The following ZNF91 variants were observed in gnomAD, a reference collection of about 807,000 sequenced individuals.
ZNF91 encodes the protein zinc finger protein 91.
A neutral mutation model predicts 12.6 loss-of-function variants in ZNF91; 7 were observed. The observed-to-expected ratio is 0.55, with a 90% CI of 0.31 to 1.04. The LOEUF (loss-of-function observed/expected upper bound fraction) is 1.04. Among genes scored for constraint, ZNF91 ranks in the 50% least tolerant of loss-of-function variants. The pLI, the probability that ZNF91 is intolerant of heterozygous loss-of-function variation, is 0.05. For missense variants in ZNF91, 1,217 were observed against 1,385.4 expected (o/e 0.88, Z 1.93); for synonymous variants, 453 against 462.6 (o/e 0.98, Z 0.27).
intron 1 of ZNF91, chr19:23,324,889 C>T (rs944750169): frequency 1.3e-5 from 2 of 151,736 alleles, no homozygotes; most frequent in Non-Finnish European, 2.9e-5. Context: ...ACTATCCGCC[C>T]TTTTCATAGA....
At chr19:23,312,186 C>G (rs1967482499), upstream of ZNF91, among the ~76,000 whole-genome samples, 1 of 152,196 alleles carries the variant, frequency 6.6e-6, no homozygotes, top group Non-Finnish European at 1.5e-5. Flanking sequence ...TGCCTGGTCA[C>G]TGCCCTCAGA....
intron 3 of ZNF91, among the ~76,000 whole-genome samples, chr19:23,366,619 G>A (rs991961320): frequency 2.6e-5 from 4 of 152,172 alleles, no homozygotes; most frequent in Non-Finnish European, 5.9e-5. Flanking sequence ...TTACAATCAC[G>A]GTTGAAGGCG....
chr19:23,330,187 C>T (rs796133062), intron 1 of ZNF91, among the ~76,000 whole-genome samples: 10 of 152,128 alleles, frequency 6.6e-5, no homozygotes, highest in South Asian at 4.1e-4. Flanking sequence ...AAAAATCAGC[C>T]GGGTGTTGGG....
chr19:23,340,518 C>T (rs192239525), intron 3 of ZNF91, among the ~76,000 whole-genome samples: 13 of 152,076 alleles, frequency 8.5e-5, no homozygotes, highest in Admixed American at 8.5e-4. Flanking sequence ...TACTGAGTAG[C>T]ATGATTGAGT....
intron 1 of ZNF91, among the ~76,000 whole-genome samples, chr19:23,387,221 A>G (rs1969901119): frequency 6.6e-6 from 1 of 152,254 alleles, no homozygotes; most frequent in African/African-American, 2.4e-5. Context: ...ACCATTGTAA[A>G]AAGCGGTGTG....
At chr19:23,319,580 A>G (rs1967641312) in intron 1 of ZNF91, among the ~76,000 whole-genome samples, 1 of 152,202 alleles carries the variant, frequency 6.6e-6, no homozygotes, top group Admixed American at 6.5e-5. Flanking sequence ...ATATATCTGC[A>G]TACACTACCT....
At chr19:23,332,664 C>G (rs1334300588) in intron 1 of ZNF91, among the ~76,000 whole-genome samples, 2 of 149,034 alleles carry the variant, frequency 1.3e-5, no homozygotes, top group African/African-American at 5.0e-5. Flanking sequence ...GTCCTGATTT[C>G]CAGAAATAAA....
chr19:23,329,291 C>G (rs1303127305), intron 1 of ZNF91, among the ~76,000 whole-genome samples: 1 of 152,136 alleles, frequency 6.6e-6, no homozygotes, highest in African/African-American at 2.4e-5. Flanking sequence ...GCATAGGATT[C>G]ATGAGAAGAG....
intron 3 of ZNF91, among the ~76,000 whole-genome samples, chr19:23,372,371 G>A (rs1265300417): frequency 6.6e-6 from 1 of 151,858 alleles, no homozygotes; most frequent in African/African-American, 2.4e-5. Context: ...TTGGAGAACT[G>A]CTTCCGGTCA....
chr19:23,384,750 C>G (rs1969820489), intron 1 of ZNF91: 1 of 626,158 alleles, frequency 1.6e-6, no homozygotes, highest in African/African-American at 1.8e-5. Context: ...AGAAAGCACA[C>G]CTGGGTCAGC....
chr19:23,351,587 T>C (rs1014764599), intron 3 of ZNF91, among the ~76,000 whole-genome samples: 2 of 152,152 alleles, frequency 1.3e-5, no homozygotes, highest in African/African-American at 2.4e-5. Context: ...ATACATGACA[T>C]TGTAGAAGAA....
chr19:23,328,175 T>C (rs1395970428), intron 1 of ZNF91: 2 of 152,152 alleles, frequency 1.3e-5, no homozygotes, highest in Non-Finnish European at 2.9e-5. Context: ...GCTAATCTCA[T>C]TAAAGATAGA....
intron 3 of ZNF91, among the ~76,000 whole-genome samples, chr19:23,344,910 G>T (rs1035578128): frequency 1.3e-5 from 2 of 152,220 alleles, no homozygotes; most frequent in African/African-American, 4.8e-5. Context: ...GGGTACAGCA[G>T]CTGGACAAAA....
intron 1 of ZNF91, among the ~76,000 whole-genome samples, chr19:23,309,813 G>A (rs1307263085): frequency 6.6e-6 from 1 of 152,150 alleles, no homozygotes; most frequent in Non-Finnish European, 1.5e-5. Flanking sequence ...TAAAGCCCTT[G>A]GGTGGTAGAG....
At chr19:23,384,682 G>A (rs569637541) in intron 1 of ZNF91, 28 of 580,606 alleles carry the variant, frequency 4.8e-5, no homozygotes, top group African/African-American at 4.1e-4. Flanking sequence ...CAAGCATGAC[G>A]TCTTTGGAGA....
At position 23,388,110 on chromosome 19, in the gene ZNF91, G is replaced by A. The variant is rs558754956; in HGVS notation, c.30+7215C>T. ...AAACTACAAAAATTAGCAGGGCGTG[G>A]TGGCGCACACCTGTAATCACAGCTA... On this transcript the variant is annotated intron_variant, in intron 1 of 3. Transcript: ENST00000300619. Among the ~76,000 whole-genome samples, 6 of 152,044 alleles carry A rather than the reference G, an allele frequency of 3.9e-5. No individual in the cohort carries two copies. The South Asian group carries it at 1.2e-3, about 32-fold the overall frequency.
chr19:23,340,749 T>C (rs1159215368), intron 3 of ZNF91, among the ~76,000 whole-genome samples: 1 of 149,982 alleles, frequency 6.7e-6, no homozygotes, highest in Non-Finnish European at 1.5e-5. Flanking sequence ...ATTTATTATA[T>C]TATTATTATA....
chr19:23,367,999 T>TC (rs1969083524), intron 3 of ZNF91, among the ~76,000 whole-genome samples: 1 of 151,960 alleles, frequency 6.6e-6, no homozygotes, highest in Non-Finnish European at 1.5e-5. Context: ...AACCTCTGCC[T>TC]CCCGGGTTCA....
rs202029284 is a variant in ZNF91 at position 23,367,426 on chromosome 19, CTCT to C, written c.254-4704_254-4702del. On this transcript the variant is annotated intron_variant, in intron 3 of 3. Transcript: ENST00000300619. Reference sequence around the variant, plus strand: ...TCCAAAAATACATGAAAATAAAAAACTCTTCAACATATTTTTGCACAGGAATAA... The same window carrying C: ...TCCAAAAATACATGAAAATAAAAAACTCAACATATTTTTGCACAGGAATAA... Among the ~76,000 whole-genome samples the C allele has an allele frequency of 4.8e-3, 732 of 152,174 alleles. 6 individuals are homozygous for C. Among genetic ancestry groups the C allele is most frequent in the African/African-American group, 0.017 (688 of 41,516 alleles).
Sources: allele counts gnomAD v4.1 joint callset (sites outside exome capture counted in the v4.1 genomes callset), GRCh38; gene constraint gnomAD v4.1.1; transcripts MANE v1.5; gene names NCBI Gene and HGNC (gene_info 2026-07-23, HGNC 2026-07-21).